Variants in ZNF28 observed in about 807,000 individuals in gnomAD.
The protein encoded by ZNF28 is zinc finger protein 28.
In ZNF28, 5 loss-of-function variants were observed where a neutral mutation model predicts 7.2. The observed-to-expected ratio is 0.70, with a 90% confidence interval of 0.36 to 1.46. The LOEUF (loss-of-function observed/expected upper bound fraction) is 1.46. Among genes scored for constraint, ZNF28 ranks in the 40% most tolerant of loss-of-function variants. The probability of loss-of-function intolerance (pLI) is 0.03; values close to 1 mark genes in which losing one functional copy is unlikely to be tolerated. For synonymous variants in ZNF28, 288 were observed against 292.4 expected, an observed-to-expected ratio of 0.99 and a Z score of 0.15; for missense variants, 879 against 866.6, an observed-to-expected ratio of 1.01 and a Z score of -0.18.
At chr19:52,820,595 C>T (rs985512516) in intron 1 of ZNF28, among the ~76,000 whole-genome samples, 5 of 152,004 alleles carry the variant, frequency 3.3e-5, no homozygotes, top group African/African-American at 1.2e-4. Context: ...GTGCTTCTCC[C>T]TCTGTTCTCC....
chr19:52,813,733 G>C (rs1005374773), intron 2 of ZNF28, among the ~76,000 whole-genome samples: 2 of 145,626 alleles, frequency 1.4e-5, no homozygotes, highest in Non-Finnish European at 3.0e-5. Context: ...TCTGCAGCCA[G>C]AAGATCTCCG....
intron 1 of ZNF28, among the ~76,000 whole-genome samples, chr19:52,818,469 C>G (rs2063154848): frequency 6.6e-6 from 1 of 151,986 alleles, no homozygotes; most frequent in South Asian, 2.1e-4. Context: ...TACCAACACT[C>G]TGAAAGGCCG....
At position 52,811,273 on chromosome 19, in the gene ZNF28, C is replaced by T. The variant is rs2063033124; in HGVS notation, c.16-3140G>A. On this transcript the variant is annotated intron_variant, in intron 2 of 3. Coordinates refer to ENST00000457749, the MANE Select transcript of ZNF28 (RefSeq NM_006969.5). ...CCACCTCCCAGCCGCCTGCCTTGGC[C>T]TCCCAAAGAGCCGAGATTGCAGCCT... Among the ~76,000 whole-genome samples the T allele has an allele frequency of 2.0e-5, 3 of 151,840 alleles. No individual in the cohort carries two copies. In the East Asian group the frequency reaches 5.8e-4, roughly 30 times the overall value.
chr19:52,811,968 G>A (rs1600465251), intron 2 of ZNF28, among the ~76,000 whole-genome samples: 1 of 46,828 alleles, frequency 2.1e-5, no homozygotes, highest in African/African-American at 9.9e-5. Context: ...CTACTGGGAA[G>A]TGAGGAGCCC....
Position 52,797,716 on chromosome 19 carries a change from CACAT to C in ZNF28, c.*1968_*1971del, listed in dbSNP as rs1243913979. On this transcript the variant is annotated 3_prime_UTR_variant, in exon 4 of 4. Coordinates refer to ENST00000457749, the MANE Select transcript of ZNF28 (RefSeq NM_006969.5). ...CAAAATGATTAAAAACATATAAATA[CACAT>C]ACAATCCATACTGATTGGAAAAATT... 1 of 153,122 alleles carries C rather than the reference CACAT, an allele frequency of 6.5e-6. No homozygotes were observed. The highest frequency in any genetic ancestry group is 2.4e-5 in the African/African-American group (1 of 41,542). 9.5% of individuals were successfully genotyped at this position (153,122 alleles called of 1,614,324 possible). A position where few individuals can be genotyped will look rare whatever the true frequency, so the allele number is the denominator to read the frequency against.
chr19:52,821,025 C>T (rs1460117253), intron 1 of ZNF28, among the ~76,000 whole-genome samples: 1 of 152,134 alleles, frequency 6.6e-6, no homozygotes, highest in East Asian at 1.9e-4. Flanking sequence ...GAACACCCCG[C>T]GTCACAGGAC....
At chr19:52,806,252 G>A (rs144061973) in intron 3 of ZNF28, among the ~76,000 whole-genome samples, 224 of 152,024 alleles carry the variant, frequency 1.5e-3, no homozygotes, top group East Asian at 9.3e-3. Flanking sequence ...GGAGTGCAAC[G>A]GTGCGATCTC....
intron 2 of ZNF28, among the ~76,000 whole-genome samples, chr19:52,812,768 A>T (rs1366084808): frequency 2.7e-4 from 32 of 118,882 alleles, no homozygotes; most frequent in African/African-American, 9.9e-4. Flanking sequence ...TCAATAAAAA[A>T]AAAAAAAAAA....
At chr19:52,810,085 C>A in intron 2 of ZNF28, 1 of 770,430 alleles carries the variant, frequency 1.3e-6, no homozygotes, top group Middle Eastern at 3.5e-4. Context: ...GGGCCTCGTT[C>A]AGGAGCCACC....
intron 2 of ZNF28, among the ~76,000 whole-genome samples, chr19:52,810,890 CCCCTCCCCCTCCCTCT>C (rs1568655888): frequency 0.023 from 347 of 15,174 alleles, 21 homozygotes; most frequent in African/African-American, 0.084. Flanking sequence ...CCTCCCCCTC[CCCCTCCCCCTCCCTCT>C]CCCTCTCCCT....
intron 2 of ZNF28, chr19:52,810,035 G>A: frequency 4.1e-6 from 3 of 739,880 alleles, no homozygotes; most frequent in Non-Finnish European, 7.3e-6. Context: ...AAGAGGAGCC[G>A]CTCCAGCCCC....
At chr19:52,810,143 G>T in intron 2 of ZNF28, 2 of 903,900 alleles carry the variant, frequency 2.2e-6, no homozygotes, top group East Asian at 2.4e-5. Flanking sequence ...AGGGTGACCC[G>T]GGGCTGGAAG....
At chr19:52,805,797 A>G (rs2147631599) in intron 3 of ZNF28, 1 of 152,182 alleles carries the variant, frequency 6.6e-6, no homozygotes, top group African/African-American at 2.4e-5. Context: ...AGCCTGGCCA[A>G]CAAAAAGAAA....
Position 52,799,386 on chromosome 19 carries a change from G to T in ZNF28, c.*302C>A. ...CTCTTCAGCATGCATTTTCTTATGT[G>T]TTTCAAGGTTTGATTTGCAACCGAA... On this transcript the variant is annotated 3_prime_UTR_variant, in exon 4 of 4. Coordinates refer to ENST00000457749, the MANE Select transcript of ZNF28 (RefSeq NM_006969.5). 3.3e-6 allele frequency: 2 copies of T among 605,854 alleles called. No homozygotes were observed. The highest frequency in any genetic ancestry group is 5.9e-6 in the Non-Finnish European group (2 of 336,478). The allele number at this position is 605,854 out of a possible 1,614,324, so 37.5% of individuals were successfully genotyped here. A position where few individuals can be genotyped will look rare whatever the true frequency, so the allele number is the denominator to read the frequency against.
intron 2 of ZNF28, among the ~76,000 whole-genome samples, chr19:52,809,200 C>T (rs1179835720): frequency 2.0e-5 from 3 of 152,146 alleles, no homozygotes; most frequent in South Asian, 2.1e-4. Flanking sequence ...CTAGAAGAAG[C>T]AATCACCCTT....
At chr19:52,803,765 T>C (rs976095708) in intron 3 of ZNF28, among the ~76,000 whole-genome samples, 21 of 152,076 alleles carry the variant, frequency 1.4e-4, no homozygotes, top group African/African-American at 4.8e-4. Context: ...GAGACCAGCC[T>C]GGGCAACATG....
At chr19:52,814,517 C>T (rs527553873) in intron 2 of ZNF28, 4 of 146,024 alleles carry the variant, frequency 2.7e-5, no homozygotes, top group African/African-American at 1.1e-4. Context: ...TCACTTGAAC[C>T]TGGGAGGCAG....
intron 2 of ZNF28, chr19:52,809,763 C>A: frequency 2.1e-6 from 1 of 479,554 alleles, no homozygotes; most frequent in Non-Finnish European, 3.7e-6. Context: ...TGAGATCATG[C>A]CACTTCACTG....
Position 52,810,296 on chromosome 19 carries a change from G to C in ZNF28, c.16-2163C>G, listed in dbSNP as rs1490369873. 5 of 1,525,122 alleles carry C rather than the reference G, an allele frequency of 3.3e-6. No homozygotes were observed. The African/African-American group carries it at 5.5e-5, about 17-fold the overall frequency. The allele number at this position is 1,525,122 out of a possible 1,614,324, so 94.5% of individuals were successfully genotyped here. On this transcript the variant is annotated intron_variant, in intron 2 of 3. Coordinates refer to ENST00000457749, the MANE Select transcript of ZNF28 (RefSeq NM_006969.5). ...TCACGTCCATTGAGGAGAAGATGGA[G>C]GCTGATGCCCGTTCCATCAATGCTG...
Sources: allele counts gnomAD v4.1 joint callset (sites outside exome capture counted in the v4.1 genomes callset), GRCh38; gene constraint gnomAD v4.1.1; transcripts MANE v1.5; gene names NCBI Gene and HGNC (gene_info 2026-07-23, HGNC 2026-07-21).